Variants in MYO3B observed in about 807,000 individuals in gnomAD.
The protein encoded by MYO3B is myosin-IIIb.
Under a neutral mutation model 174.6 loss-of-function variants are expected in MYO3B, and 156 were observed. That is an observed-to-expected ratio of 0.89 (90% CI 0.78 to 1.02). The LOEUF (loss-of-function observed/expected upper bound fraction) is 1.02, where lower values mean the gene tolerates loss of function less well. Among genes scored for constraint, MYO3B ranks in the 50% least tolerant of loss-of-function variants. The probability of loss-of-function intolerance (pLI) is 0.00; values close to 1 mark genes in which losing one functional copy is unlikely to be tolerated. For missense variants in MYO3B, 1,632 were observed against 1,639.4 expected, an observed-to-expected ratio of 1.00 and a Z score of 0.08; for synonymous variants, 563 against 569.1, an observed-to-expected ratio of 0.99 and a Z score of 0.15.
intron 32 of MYO3B, among the ~76,000 whole-genome samples, chr2:170,583,495 C>A (rs1415398055): frequency 6.6e-6 from 1 of 152,114 alleles, no homozygotes; most frequent in East Asian, 1.9e-4. Flanking sequence ...GGCCACTGGT[C>A]TGTATTCATA....
chr2:170,501,266 A>G (rs952396257), intron 27 of MYO3B, among the ~76,000 whole-genome samples: 3 of 152,156 alleles, frequency 2.0e-5, no homozygotes, highest in African/African-American at 7.2e-5. Context: ...CTCTCGGCAC[A>G]GAATTCACTC....
chr2:170,387,269 A>C lies in MYO3B; in HGVS notation c.1538A>C (p.Glu513Ala). The change falls in exon 14 of 35, where the codon GAA (glutamate) becomes GCA (alanine). Residue 513 changes from glutamate to alanine, a missense_variant. Physicochemically the swap from Glu to Ala is moderately radical, Grantham distance 107. Coordinates refer to ENST00000408978, the MANE Select transcript of MYO3B (RefSeq NM_138995.5). Reference protein sequence around the residue: ...TGVVMGARISEYLLEKSRVIK... With the variant: ...TGVVMGARISAYLLEKSRVIK... ...GTTGTGATGGGGGCAAGAATCTCTG[A>C]ATATCTCCTGGAAAAATCCAGAGTT... 1 of 1,614,140 alleles carries C rather than the reference A, an allele frequency of 6.2e-7. No individual in the cohort carries two copies.
At chr2:170,593,667 ACTGGGAT>A (rs1330648958) in intron 32 of MYO3B, among the ~76,000 whole-genome samples, 1 of 152,230 alleles carries the variant, frequency 6.6e-6, no homozygotes. Context: ...CACAATACAT[ACTGGGAT>A]CTACTTATAG....
At chr2:170,209,313 A>C (rs1051595158) in intron 3 of MYO3B, among the ~76,000 whole-genome samples, 30 of 152,198 alleles carry the variant, frequency 2.0e-4, no homozygotes, top group Non-Finnish European at 1.5e-5. Flanking sequence ...TGTTCACAGG[A>C]GTATACCTTA....
At chr2:170,311,747 A>G (rs2093741238) in intron 7 of MYO3B, among the ~76,000 whole-genome samples, 2 of 151,986 alleles carry the variant, frequency 1.3e-5, no homozygotes, top group African/African-American at 2.4e-5. Flanking sequence ...TATTTCTTAT[A>G]TTTAGGTTGT....
At chr2:170,624,639 G>A (rs1180063338) in intron 32 of MYO3B, among the ~76,000 whole-genome samples, 1 of 152,150 alleles carries the variant, frequency 6.6e-6, no homozygotes, top group Non-Finnish European at 1.5e-5. Flanking sequence ...TCCTTGTCTT[G>A]TGCCAGCTTT....
At chr2:170,236,159 T>A in intron 7 of MYO3B, 23 bp downstream of exon 7, 1 of 1,613,978 alleles carries the variant, frequency 6.2e-7, no homozygotes, top group Non-Finnish European at 8.5e-7. Flanking sequence ...ATGGCGCTCT[T>A]GACTCATTAG....
chr2:170,474,540 C>T (rs1685186153), intron 25 of MYO3B, among the ~76,000 whole-genome samples: 1 of 151,284 alleles, frequency 6.6e-6, no homozygotes, highest in Admixed American at 6.6e-5. Flanking sequence ...AGTTGAAGAC[C>T]AGCCTGACCA....
intron 22 of MYO3B, among the ~76,000 whole-genome samples, chr2:170,422,251 G>A (rs1022107942): frequency 2.0e-5 from 3 of 152,150 alleles, no homozygotes; most frequent in Admixed American, 2.0e-4. Flanking sequence ...TGCCAAGGCT[G>A]GAGTACAGTG....
intron 32 of MYO3B, among the ~76,000 whole-genome samples, chr2:170,557,162 C>T (rs1191572034): frequency 7.7e-6 from 1 of 130,708 alleles, no homozygotes; most frequent in Non-Finnish European, 1.6e-5. Flanking sequence ...TTTTTTGAGA[C>T]GGAGTCTCGC....
At chr2:170,620,130 G>C (rs1484091209) in intron 32 of MYO3B, among the ~76,000 whole-genome samples, 1 of 151,994 alleles carries the variant, frequency 6.6e-6, no homozygotes, top group Non-Finnish European at 1.5e-5. Flanking sequence ...CTCCAAGTGA[G>C]ATGATAAATC....
rs1054277500 is a variant in MYO3B at position 170,543,802 on chromosome 2, A to C, written c.3637-90A>C. 7 of 991,732 alleles carry C rather than the reference A, an allele frequency of 7.1e-6. No individual in the cohort carries two copies. In the Admixed American group the frequency reaches 1.2e-4, roughly 17 times the overall value. 61.4% of individuals were successfully genotyped at this position (991,732 alleles called of 1,614,324 possible). Reference sequence around the variant, plus strand: ...TAGCCTCTTGCTTTTAGTCAGGTTTAAGTGCCCCTTCATTAAATAGAAGCC... The same window carrying C: ...TAGCCTCTTGCTTTTAGTCAGGTTTCAGTGCCCCTTCATTAAATAGAAGCC... On this transcript the variant is annotated intron_variant, in intron 31 of 34. Coordinates refer to ENST00000408978, the MANE Select transcript of MYO3B (RefSeq NM_138995.5).
chr2:170,646,934 T>G (rs1404147178), intron 32 of MYO3B: 7 of 1,357,632 alleles, frequency 5.2e-6, no homozygotes, highest in Non-Finnish European at 6.9e-6. Context: ...GATGTAACTT[T>G]TATGGGTATA....
chr2:170,494,664 G>A (rs187376397), intron 25 of MYO3B, among the ~76,000 whole-genome samples: 3 of 140,378 alleles, frequency 2.1e-5, no homozygotes, highest in Non-Finnish European at 4.5e-5. Flanking sequence ...GGAGGCAGAG[G>A]TTGCAGAGAC....
chr2:170,515,188 A>G (rs1688231152), intron 29 of MYO3B, among the ~76,000 whole-genome samples, 166 bp downstream of exon 29: 3 of 152,124 alleles, frequency 2.0e-5, no homozygotes. Flanking sequence ...CTTGCAGAGG[A>G]CTCTGAAGGG....
intron 30 of MYO3B, among the ~76,000 whole-genome samples, chr2:170,536,159 C>G (rs1048802643): frequency 6.6e-6 from 1 of 152,066 alleles, no homozygotes; most frequent in Non-Finnish European, 1.5e-5. Flanking sequence ...TATGGGCTCA[C>G]GGTTGGGGAA....
rs2092716701 is a variant in MYO3B, at chr2:170,206,775, C to T, written c.321+6491C>T. 6.6e-6 allele frequency among the ~76,000 whole-genome samples: 1 copy of T among 152,162 alleles called. No homozygotes were observed. ...GGATCTGGGTACAAGTAGATGCTTA[C>T]ATAATGCCATGGTAGTGAGGGCAGA... is the stretch of plus-strand genomic sequence containing the variant. On this transcript the variant is annotated intron_variant, in intron 3 of 34. Coordinates refer to ENST00000408978, the MANE Select transcript of MYO3B (RefSeq NM_138995.5). The surrounding 1 kb of genome is among the most constrained non-coding windows in gnomAD (Gnocchi z 4.3).
intron 22 of MYO3B, among the ~76,000 whole-genome samples, chr2:170,429,954 T>C (rs1312886885): frequency 6.6e-6 from 1 of 151,906 alleles, no homozygotes; most frequent in Non-Finnish European, 1.5e-5. Context: ...CAAAGAACTG[T>C]ATAGTTGGCT....
chr2:170,403,932 T>A (rs1486925617), intron 19 of MYO3B, among the ~76,000 whole-genome samples: 2 of 152,178 alleles, frequency 1.3e-5, no homozygotes, highest in Non-Finnish European at 2.9e-5. Flanking sequence ...TTAAACAATA[T>A]TTCTCACCAA....
Sources: allele counts gnomAD v4.1 joint callset (sites outside exome capture counted in the v4.1 genomes callset), GRCh38; gene constraint gnomAD v4.1.1; non-coding constraint Gnocchi (gnomAD v3.1); transcripts MANE v1.5; gene names NCBI Gene and HGNC (gene_info 2026-07-23, HGNC 2026-07-21).